NAV3: variants seen among roughly 807,000 people sequenced by gnomAD.
The protein encoded by NAV3 is neuron navigator 3, also known as pore membrane and/or filament interacting like protein 1.
NAV3 carries 87 observed loss-of-function variants against 244.7 expected under a neutral mutation model. That is an observed-to-expected ratio of 0.36 (90% CI 0.30 to 0.42). The LOEUF (loss-of-function observed/expected upper bound fraction) is 0.42, where lower values mean the gene tolerates loss of function less well. Ranked by LOEUF, NAV3 falls within the 20% of genes least tolerant of loss-of-function variation. The pLI, the probability that NAV3 is intolerant of heterozygous loss-of-function variation, is 1.00. For missense variants in NAV3, 2,663 were observed against 2,893.3 expected (o/e 0.92, Z 1.83); for synonymous variants, 1,126 against 1,042.2 (o/e 1.08, Z -1.55).
At chr12:77,765,410 C>A (rs1378323190) in intron 2 of NAV3, among the ~76,000 whole-genome samples, 1 of 152,130 alleles carries the variant, frequency 6.6e-6, no homozygotes, top group Non-Finnish European at 1.5e-5. Flanking sequence ...CAATGAGGTG[C>A]CTTTGAAGCA....
At chr12:78,029,454 T>G (rs1015021267) in intron 9 of NAV3, among the ~76,000 whole-genome samples, 5 of 152,118 alleles carry the variant, frequency 3.3e-5, no homozygotes, top group Non-Finnish European at 7.4e-5. Context: ...TACAGAACAA[T>G]AAATTATGCC....
intron 22 of NAV3, among the ~76,000 whole-genome samples, chr12:78,149,126 G>A (rs1017597586): frequency 7.2e-5 from 11 of 151,972 alleles, no homozygotes; most frequent in Admixed American, 7.2e-4. Flanking sequence ...GGTTAAAATG[G>A]CTTGTTGTTT....
At chr12:77,761,901 A>G (rs1328221273) in intron 2 of NAV3, among the ~76,000 whole-genome samples, 1 of 152,218 alleles carries the variant, frequency 6.6e-6, no homozygotes, top group Non-Finnish European at 1.5e-5. Context: ...CAGAAATACC[A>G]TTTGACCCAG....
At chr12:77,674,837 C>T (rs1289222285) in intron 2 of NAV3, among the ~76,000 whole-genome samples, 1 of 152,182 alleles carries the variant, frequency 6.6e-6, no homozygotes, top group Non-Finnish European at 1.5e-5. Flanking sequence ...GACCTGACTT[C>T]TGTCTTCATG....
Position 77,632,829 on chromosome 12 carries a change from G to A in NAV3, c.72+60563G>A, listed in dbSNP as rs539036136. 9.9e-5 allele frequency among the ~76,000 whole-genome samples: 15 copies of A among 152,056 alleles called. No homozygotes were observed. In the South Asian group the frequency reaches 2.5e-3, roughly 25 times the overall value. ...ATTTTTAAATAAGGCAGGTATAAGC[G>A]TTTTTAGATAATTATATAGTGGATG... On this transcript the variant is annotated intron_variant, in intron 2 of 8. Coordinates refer to the NAV3 transcript ENST00000550042.
chr12:78,162,873 T>TATATATA (rs1565743947), intron 23 of NAV3, among the ~76,000 whole-genome samples: 1,645 of 122,236 alleles, frequency 0.013, 17 homozygotes, highest in South Asian at 0.039. Context: ...AAAAAAAATA[T>TATATATA]ATATATATAA....
At chr12:77,596,793 G>T (rs200117347) in intron 2 of NAV3, among the ~76,000 whole-genome samples, 1 of 151,998 alleles carries the variant, frequency 6.6e-6, no homozygotes, top group Non-Finnish European at 1.5e-5. Context: ...GACTTTTTGC[G>T]GGAAAAAAGT....
At chr12:77,932,796 C>T (rs962151946) in intron 1 of NAV3, among the ~76,000 whole-genome samples, 10 of 152,008 alleles carry the variant, frequency 6.6e-5, no homozygotes, top group Admixed American at 2.6e-4. Context: ...TGCTTTTTGC[C>T]CAACCCTTAC....
chr12:78,105,206 T>G (rs527736594), intron 12 of NAV3, among the ~76,000 whole-genome samples: 3 of 152,260 alleles, frequency 2.0e-5, no homozygotes, highest in Non-Finnish European at 4.4e-5. Context: ...GACAGAAATG[T>G]TATATCCTTA....
At chr12:77,829,588 A>G (rs1873380336), upstream of NAV3, among the ~76,000 whole-genome samples, 1 of 152,174 alleles carries the variant, frequency 6.6e-6, no homozygotes. Flanking sequence ...ATGGTTTGCA[A>G]ATTGCAAAAT....
rs904644055 is a variant in NAV3, at chr12:77,660,086, G to A, written c.72+87820G>A. On this transcript the variant is annotated intron_variant, in intron 2 of 8. Transcript: ENST00000550042. ...TAACTAACCTGCACATTGTGCACAT[G>A]TACCCTAAAAGTTAAAGTATCATAA... Among the ~76,000 whole-genome samples the A allele has an allele frequency of 4.6e-5, 7 of 151,810 alleles. No homozygotes were observed. The East Asian group carries it at 1.4e-3, about 30-fold the overall frequency.
At chr12:77,983,858 G>T (rs569811493) in intron 5 of NAV3, among the ~76,000 whole-genome samples, 1 of 152,092 alleles carries the variant, frequency 6.6e-6, no homozygotes, top group Non-Finnish European at 1.5e-5. Flanking sequence ...GAGACATTTT[G>T]TTCTTGTCTT....
intron 7 of NAV3, among the ~76,000 whole-genome samples, chr12:78,000,344 C>T (rs1267274796): frequency 6.6e-6 from 1 of 151,886 alleles, no homozygotes; most frequent in South Asian, 2.1e-4. Flanking sequence ...GTCTTGTATG[C>T]AATATGAAAT....
intron 12 of NAV3, among the ~76,000 whole-genome samples, chr12:78,096,187 C>G (rs1314531484): frequency 6.6e-6 from 1 of 152,128 alleles, no homozygotes; most frequent in Non-Finnish European, 1.5e-5. Flanking sequence ...ATGTCCCAAC[C>G]AATTATATGG....
In NAV3 at chr12:78,119,847, C is replaced by G. The variant is rs747499358; in HGVS notation, c.3651C>G (p.Ser1217=). The part of the protein sequence containing the change: ...SDSESVSLSG[S]PKSSPTSASA... Reference sequence around the variant, plus strand: ...CAGAAAGTGTTTCTTTGTCAGGTTCCCCCAAATCCAGCCCCACCTCTGCCA... The same window carrying G: ...CAGAAAGTGTTTCTTTGTCAGGTTCGCCCAAATCCAGCCCCACCTCTGCCA... The change falls in exon 15 of 40, where the codon TCC becomes TCG. Residue 1217 remains serine, a synonymous_variant. Coordinates refer to ENST00000397909, the MANE Select transcript of NAV3 (RefSeq NM_001024383.2). 1.2e-5 allele frequency: 20 copies of G among 1,613,988 alleles called. No homozygotes were observed. The highest frequency in any genetic ancestry group is 1.6e-4 in the Middle Eastern group (1 of 6,084).
In NAV3 at chr12:77,946,662, C is replaced by T. The variant is rs191328384; in HGVS notation, c.414+5529C>T. Among the ~76,000 whole-genome samples the T allele has an allele frequency of 1.7e-3, 265 of 152,196 alleles. 3 individuals are homozygous for T. Among genetic ancestry groups the T allele is most frequent in the African/African-American group, 6.2e-3 (256 of 41,548 alleles). On this transcript the variant is annotated intron_variant, in intron 3 of 39. Transcript: ENST00000397909. ...TCAAAATATATACTGCATGTCCCAA[C>T]TTTGGTGAGCTTACATGAGGAAATA...
chr12:77,906,133 C>T lies in NAV3; in HGVS notation c.244-34186C>T, dbSNP rs912640187. Among the ~76,000 whole-genome samples, 61 of 152,090 alleles carry T rather than the reference C, an allele frequency of 4.0e-4. 1 individual carries two copies. Among genetic ancestry groups the T allele is most frequent in the Middle Eastern group, 3.4e-3 (1 of 294 alleles). On this transcript the variant is annotated intron_variant, in intron 1 of 39. Transcript: ENST00000397909. ...TCAGATATATAGGAGCTGAATTTGC[C>T]GCAAACTTGCAAAGAAAACCAATTT...
intron 2 of NAV3, among the ~76,000 whole-genome samples, chr12:77,751,223 T>C (rs1868836164): frequency 6.6e-6 from 1 of 152,234 alleles, no homozygotes; most frequent in Admixed American, 6.5e-5. Context: ...GTTATACTCT[T>C]ATGAGCTTTT....
chr12:78,065,555 A>AT (rs1884917683), intron 12 of NAV3, among the ~76,000 whole-genome samples: 2 of 152,162 alleles, frequency 1.3e-5, no homozygotes, highest in African/African-American at 4.8e-5. Flanking sequence ...GTTAGCTGAT[A>AT]TTTTTTGAAA....
Sources: allele counts gnomAD v4.1 joint callset (sites outside exome capture counted in the v4.1 genomes callset), GRCh38; gene constraint gnomAD v4.1.1; transcripts MANE v1.5; gene names NCBI Gene and HGNC (gene_info 2026-07-23, HGNC 2026-07-21).